TBC1D22A: variants seen among roughly 807,000 people sequenced by gnomAD.
TBC1D22A encodes TBC1 domain family member 22A.
A neutral mutation model predicts 60.2 loss-of-function variants in TBC1D22A; 38 were observed. The observed-to-expected ratio is 0.63, with a 90% CI of 0.49 to 0.83. The LOEUF is 0.83. TBC1D22A is among the 40% of genes least tolerant of loss of function. The probability of loss-of-function intolerance (pLI) is 0.00; values close to 1 mark genes in which losing one functional copy is unlikely to be tolerated. For synonymous variants in TBC1D22A, 302 were observed against 281.7 expected, an observed-to-expected ratio of 1.07 and a Z score of -0.72; for missense variants, 628 against 701.0, an observed-to-expected ratio of 0.90 and a Z score of 1.18.
chr22:47,051,590 C>T lies in TBC1D22A; in HGVS notation c.1329+14392C>T, dbSNP rs562413194. ...GATTCTCCTGGAGGGCTGGGCCAGCCATGCTTTTCAGGTCCCCTCAAGGGG... is the reference window on the plus strand; with the variant it reads ...GATTCTCCTGGAGGGCTGGGCCAGCTATGCTTTTCAGGTCCCCTCAAGGGG... On this transcript the variant is annotated intron_variant, in intron 11 of 12. Coordinates refer to ENST00000337137, the MANE Select transcript of TBC1D22A (RefSeq NM_014346.5). Among the ~76,000 whole-genome samples the T allele has an allele frequency of 7.9e-5, 12 of 152,230 alleles. No homozygotes were observed. In the East Asian group the frequency reaches 1.6e-3, roughly 20 times the overall value.
intron 7 of TBC1D22A, among the ~76,000 whole-genome samples, chr22:46,895,259 C>G (rs1043264270): frequency 1.3e-5 from 2 of 151,788 alleles, no homozygotes; most frequent in Non-Finnish European, 2.9e-5. Flanking sequence ...TTTATGTTTA[C>G]GATTCTTTGT....
At chr22:46,964,212 A>G (rs961887712) in intron 8 of TBC1D22A, among the ~76,000 whole-genome samples, 1 of 152,218 alleles carries the variant, frequency 6.6e-6, no homozygotes, top group Non-Finnish European at 1.5e-5. Flanking sequence ...AGCCTACTTT[A>G]GGGTAGGCAT....
rs1191650372 is a variant in TBC1D22A, at chr22:46,858,394, C to T, written c.638-20259C>T. Among the ~76,000 whole-genome samples the T allele has an allele frequency of 3.3e-5, 5 of 152,156 alleles. No homozygotes were observed. In the South Asian group the frequency reaches 6.2e-4, roughly 19 times the overall value. ...TTTTTAAGTTGGCTGCCATGAGGAC[C>T]GGGCTGGAGGCAGCCGACAGCAGGC... On this transcript the variant is annotated intron_variant, in intron 4 of 12. Transcript: ENST00000337137.
chr22:46,913,110 A>C (rs1330194698), intron 8 of TBC1D22A, among the ~76,000 whole-genome samples: 2 of 152,208 alleles, frequency 1.3e-5, no homozygotes, highest in African/African-American at 4.8e-5. Context: ...CCTTTATCAC[A>C]GTCAACTGTA....
intron 11 of TBC1D22A, among the ~76,000 whole-genome samples, chr22:47,084,276 T>C (rs753270913): frequency 3.9e-5 from 6 of 152,354 alleles, no homozygotes; most frequent in East Asian, 1.9e-4. Context: ...AGCACAGATG[T>C]AGACATTCCC....
intron 11 of TBC1D22A, among the ~76,000 whole-genome samples, chr22:47,040,186 C>T (rs866118317): frequency 7.2e-5 from 11 of 151,978 alleles, no homozygotes; most frequent in Non-Finnish European, 1.3e-4. Context: ...ACCTTGTGAT[C>T]CACCTGCCTC....
rs188646199 is a variant in TBC1D22A at position 46,947,816 on chromosome 22, C to A, written c.1016-26474C>A. Among the ~76,000 whole-genome samples the A allele has an allele frequency of 3.3e-3, 499 of 152,306 alleles. 1 individual carries two copies. The highest frequency in any genetic ancestry group is 4.1e-3 in the Non-Finnish European group (282 of 68,032). ...AGGACTGCCTGGCTCTCCATATCAA[C>A]CTGTTCAGTAGTCTGCCTGTTCTTT... On this transcript the variant is annotated intron_variant, in intron 8 of 12. Coordinates refer to ENST00000337137, the MANE Select transcript of TBC1D22A (RefSeq NM_014346.5).
At chr22:47,143,701 G>A (rs542129626) in intron 12 of TBC1D22A, among the ~76,000 whole-genome samples, 2 of 152,320 alleles carry the variant, frequency 1.3e-5, no homozygotes, top group South Asian at 2.1e-4. Context: ...GCTCTCTGAC[G>A]GGTGCCTAGT....
intron 11 of TBC1D22A, among the ~76,000 whole-genome samples, chr22:47,107,115 TTAAA>T (rs1228871868): frequency 6.6e-6 from 1 of 152,116 alleles, no homozygotes; most frequent in Non-Finnish European, 1.5e-5. Context: ...GATCATTAAG[TTAAA>T]TATACATGTT....
chr22:46,769,525 GTCC>G (rs2083415318), intron 1 of TBC1D22A, among the ~76,000 whole-genome samples: 1 of 152,228 alleles, frequency 6.6e-6, no homozygotes, highest in African/African-American at 2.4e-5. Context: ...GAATGCTCAT[GTCC>G]TCCTTACACA....
intron 1 of TBC1D22A, among the ~76,000 whole-genome samples, chr22:46,782,149 G>T (rs1369683138): frequency 6.6e-6 from 1 of 152,200 alleles, no homozygotes; most frequent in South Asian, 2.1e-4. Flanking sequence ...CCGCCTCCTG[G>T]GTTCAAGTGA....
intron 4 of TBC1D22A, among the ~76,000 whole-genome samples, chr22:46,803,803 G>A (rs1039650086): frequency 6.6e-6 from 1 of 152,164 alleles, no homozygotes. Flanking sequence ...GCAGAGGCCC[G>A]GGGCAGAGGG....
intron 8 of TBC1D22A, among the ~76,000 whole-genome samples, chr22:46,926,975 A>G (rs993117123): frequency 6.6e-6 from 1 of 152,180 alleles, no homozygotes; most frequent in Non-Finnish European, 1.5e-5. Flanking sequence ...AATCCCCACA[A>G]AGAAAATCGT....
intron 8 of TBC1D22A, among the ~76,000 whole-genome samples, chr22:46,971,871 G>A (rs894228341): frequency 1.3e-5 from 2 of 152,208 alleles, no homozygotes; most frequent in African/African-American, 2.4e-5. Context: ...GGGCTCCTGC[G>A]CCAGCAGAGT....
chr22:46,930,025 T>C (rs1019431713), intron 8 of TBC1D22A, among the ~76,000 whole-genome samples: 1 of 152,180 alleles, frequency 6.6e-6, no homozygotes, highest in Non-Finnish European at 1.5e-5. Context: ...ATGTACTTTA[T>C]GCAGAGGACG....
chr22:46,919,136 A>T (rs1389661619), intron 8 of TBC1D22A, among the ~76,000 whole-genome samples: 1 of 152,198 alleles, frequency 6.6e-6, no homozygotes, highest in Non-Finnish European at 1.5e-5. Flanking sequence ...TCCTATACTC[A>T]TTGGCAGTCA....
chr22:46,886,388 C>T lies in TBC1D22A; in HGVS notation c.709-4878C>T, dbSNP rs555593355. Among the ~76,000 whole-genome samples, 8 of 152,306 alleles carry T rather than the reference C, an allele frequency of 5.3e-5. No individual in the cohort carries two copies. The East Asian group carries it at 1.5e-3, about 29-fold the overall frequency. On this transcript the variant is annotated intron_variant, in intron 5 of 12. Transcript: ENST00000337137. The stretch of plus-strand genomic sequence containing the variant: ...TGCCCCTCTCCAGAATACTGTAATT[C>T]ACCGAGCGATTGTTTTCTGGAGAGA...
intron 11 of TBC1D22A, among the ~76,000 whole-genome samples, chr22:47,074,750 G>A (rs1047476666): frequency 7.2e-5 from 11 of 152,254 alleles, no homozygotes; most frequent in South Asian, 6.2e-4. Context: ...CCATCCTACC[G>A]CCTTCCTGCC....
At chr22:47,057,446 CG>C (rs1569399922) in intron 11 of TBC1D22A, among the ~76,000 whole-genome samples, 1 of 152,174 alleles carries the variant, frequency 6.6e-6, no homozygotes, top group Non-Finnish European at 1.5e-5. Context: ...ACTTTCTTTC[CG>C]GGAGCCGTGG....
Sources: allele counts gnomAD v4.1 joint callset (sites outside exome capture counted in the v4.1 genomes callset), GRCh38; gene constraint gnomAD v4.1.1; transcripts MANE v1.5; gene names NCBI Gene and HGNC (gene_info 2026-07-23, HGNC 2026-07-21).